SYNJ1: variants seen among roughly 807,000 people sequenced by gnomAD.
The protein encoded by SYNJ1 is polyphosphatidylinositol phosphatase SYNJ1.
A neutral mutation model predicts 168.2 loss-of-function variants in SYNJ1; 78 were observed. The ratio of observed to expected loss-of-function variants is 0.46; its 90% CI spans 0.39 to 0.56. The LOEUF (loss-of-function observed/expected upper bound fraction) is 0.56, where lower values mean the gene tolerates loss of function less well. SYNJ1 is among the 20% of genes least tolerant of loss of function. SYNJ1 has a pLI of 0.00. For missense variants in SYNJ1, 1,303 were observed against 1,597.6 expected (o/e 0.82, Z 3.14); for synonymous variants, 539 against 548.6 (o/e 0.98, Z 0.24).
At chr21:32,666,184 C>T (rs1431463767) in intron 16 of SYNJ1, 49 bp from the exon 17 acceptor site, 1 of 1,554,372 alleles carries the variant, frequency 6.4e-7, no homozygotes, top group East Asian at 2.3e-5. Context: ...TCAAGAGTTC[C>T]ATGTGCATAG....
At chr21:32,643,263 G>T in intron 27 of SYNJ1, 147 bp downstream of exon 27, 1 of 732,082 alleles carries the variant, frequency 1.4e-6, no homozygotes, top group Non-Finnish European at 2.3e-6. Flanking sequence ...AAAATACAAG[G>T]TATACATAAG....
intron 15 of SYNJ1, among the ~76,000 whole-genome samples, chr21:32,668,801 G>C (rs987808741): frequency 6.6e-6 from 1 of 152,160 alleles, no homozygotes; most frequent in African/African-American, 2.4e-5. Flanking sequence ...AGACATCTTT[G>C]AGGGTTCCCA....
At chr21:32,648,552 C>T (rs552664560) in intron 23 of SYNJ1, among the ~76,000 whole-genome samples, 2 of 152,308 alleles carry the variant, frequency 1.3e-5, no homozygotes, top group South Asian at 4.1e-4. Context: ...TCTCTTGGCT[C>T]TTTGACATTT....
intron 22 of SYNJ1, among the ~76,000 whole-genome samples, chr21:32,652,200 G>T (rs1003131042): frequency 5.3e-5 from 8 of 149,992 alleles, no homozygotes; most frequent in South Asian, 2.1e-4. Context: ...TACACACAAA[G>T]AATTTTTTTT....
intron 31 of SYNJ1, 137 bp from the exon 32 acceptor site, chr21:32,635,021 G>T: frequency 1.2e-6 from 1 of 844,960 alleles, no homozygotes; most frequent in Non-Finnish European, 1.9e-6. Context: ...TTTGCAGGTT[G>T]TAACATAAAT....
intron 4 of SYNJ1, 143 bp from the exon 5 acceptor site, chr21:32,695,425 G>T: frequency 1.3e-6 from 1 of 797,010 alleles, no homozygotes; most frequent in Non-Finnish European, 1.9e-6. Flanking sequence ...CATTTACTAT[G>T]CTAGGGATCA....
intron 15 of SYNJ1, among the ~76,000 whole-genome samples, chr21:32,668,009 ATG>A (rs3056370): frequency 0.27 from 39,470 of 143,696 alleles, 5,568 homozygotes; most frequent in East Asian, 0.48. Flanking sequence ...AAGAATATAT[ATG>A]TGTGTGTGTG....
intron 31 of SYNJ1, among the ~76,000 whole-genome samples, chr21:32,635,193 T>G (rs550777837): frequency 6.6e-6 from 1 of 152,322 alleles, no homozygotes; most frequent in East Asian, 1.9e-4. Context: ...TGTTATGGAC[T>G]GAATATTTGT....
chr21:32,712,310 T>C (rs2042858225), intron 2 of SYNJ1, among the ~76,000 whole-genome samples: 1 of 152,238 alleles, frequency 6.6e-6, no homozygotes, highest in South Asian at 2.1e-4. Context: ...CTAGAGATCA[T>C]GTAATCCAAG....
At chr21:32,662,963 G>A (rs796602025) in intron 18 of SYNJ1, among the ~76,000 whole-genome samples, 1 of 152,190 alleles carries the variant, frequency 6.6e-6, no homozygotes, top group Non-Finnish European at 1.5e-5. Context: ...TTAGTTCGAG[G>A]AGAAGTTTAC....
intron 6 of SYNJ1, among the ~76,000 whole-genome samples, chr21:32,691,864 C>T (rs1228735758): frequency 1.3e-5 from 2 of 152,152 alleles, no homozygotes; most frequent in African/African-American, 4.8e-5. Context: ...TCTGAGTGGC[C>T]ACTGAAGGAC....
chr21:32,663,248 T>C (rs1220483402), intron 18 of SYNJ1, among the ~76,000 whole-genome samples: 1 of 152,128 alleles, frequency 6.6e-6, no homozygotes, highest in East Asian at 1.9e-4. Context: ...AAAACCTCAA[T>C]TATTGGACAA....
At chr21:32,711,560 G>A (rs1428826756) in intron 2 of SYNJ1, among the ~76,000 whole-genome samples, 1 of 152,106 alleles carries the variant, frequency 6.6e-6, no homozygotes, top group Admixed American at 6.5e-5. Context: ...TCGATCTCTT[G>A]ACCTCATGAT....
intron 13 of SYNJ1, among the ~76,000 whole-genome samples, chr21:32,674,405 A>C (rs1211410887): frequency 6.6e-6 from 1 of 152,158 alleles, no homozygotes; most frequent in East Asian, 1.9e-4. Context: ...TTTTCTCTAT[A>C]GCATTTATCA....
chr21:32,691,670 T>G (rs1394569391), intron 6 of SYNJ1, among the ~76,000 whole-genome samples: 1 of 152,236 alleles, frequency 6.6e-6, no homozygotes, highest in African/African-American at 2.4e-5. Flanking sequence ...CTTACTTGTG[T>G]AACACCTTAT....
At chr21:32,670,008 T>C (rs1439662257) in intron 15 of SYNJ1, among the ~76,000 whole-genome samples, 11 of 152,236 alleles carry the variant, frequency 7.2e-5, no homozygotes, top group Non-Finnish European at 2.9e-5. Flanking sequence ...AGGTTTATTA[T>C]TGTTTTTAAG....
chr21:32,633,334 A>G (rs1395966955), intron 32 of SYNJ1, among the ~76,000 whole-genome samples: 1 of 152,192 alleles, frequency 6.6e-6, no homozygotes, highest in Non-Finnish European at 1.5e-5. Context: ...AGGTGGTTGG[A>G]GTGGAGCACA....
At chr21:32,699,746 T>G in intron 4 of SYNJ1, 92 bp downstream of exon 4, 1 of 1,474,146 alleles carries the variant, frequency 6.8e-7, no homozygotes, top group Non-Finnish European at 9.1e-7. Flanking sequence ...TCTTCCTCCT[T>G]TCTTGCTGTC....
At chr21:32,639,904 T>A in intron 29 of SYNJ1, 125 bp from the exon 30 acceptor site, 2 of 718,590 alleles carry the variant, frequency 2.8e-6, no homozygotes, top group East Asian at 2.8e-5. Context: ...TTTGTCATTT[T>A]AAGTGCTCTC....
Sources: allele counts gnomAD v4.1 joint callset (sites outside exome capture counted in the v4.1 genomes callset), GRCh38; gene constraint gnomAD v4.1.1; transcripts MANE v1.5; gene names NCBI Gene and HGNC (gene_info 2026-07-23, HGNC 2026-07-21).